The following MEP1A variants were observed in gnomAD, a reference collection of about 807,000 sequenced individuals.
The protein encoded by MEP1A is N-benzoyl-L-tyrosyl-P-amino-benzoic acid hydrolase subunit alpha.
In MEP1A, 68 loss-of-function variants were observed where a neutral mutation model predicts 84.5. That is an observed-to-expected ratio of 0.80 (90% CI 0.66 to 0.98). The LOEUF (loss-of-function observed/expected upper bound fraction) is 0.98. MEP1A is among the 50% of genes least tolerant of loss of function. The pLI is 0.00. For synonymous variants in MEP1A, 337 were observed against 336.8 expected, an observed-to-expected ratio of 1.00 and a Z score of -0.01; for missense variants, 887 against 919.9, an observed-to-expected ratio of 0.96 and a Z score of 0.46.
At position 46,823,551 on chromosome 6, in the gene MEP1A, G is replaced by A. The variant is rs193034811; in HGVS notation, c.557-1721G>A. 3.1e-4 allele frequency among the ~76,000 whole-genome samples: 47 copies of A among 152,318 alleles called. No homozygotes were observed. The East Asian group carries it at 8.7e-3, about 28-fold the overall frequency. On this transcript the variant is annotated intron_variant, in intron 7 of 13. Coordinates refer to ENST00000230588, the MANE Select transcript of MEP1A (RefSeq NM_005588.3). The stretch of plus-strand genomic sequence containing the variant: ...TGTTTGAACCCAGGAGGCAGAGGTT[G>A]CAGTGAGCTGAGATCTTGCCATTGC...
chr6:46,805,744 C>T (rs9472869), intron 5 of MEP1A, among the ~76,000 whole-genome samples: 45 of 151,896 alleles, frequency 3.0e-4, no homozygotes, highest in African/African-American at 8.0e-4. Context: ...TATGCTTATG[C>T]TGATTTTCTT....
chr6:46,838,832 C>T (rs1176942711), intron 13 of MEP1A, 148 bp from the exon 14 acceptor site: 5 of 621,506 alleles, frequency 8.0e-6, no homozygotes, highest in Non-Finnish European at 1.1e-5. Context: ...ATTAGTTGGT[C>T]CATATACAGC....
chr6:46,807,805 AAG>A (rs1490110427), intron 5 of MEP1A, among the ~76,000 whole-genome samples: 1 of 148,964 alleles, frequency 6.7e-6, no homozygotes, highest in African/African-American at 2.4e-5. Context: ...GAAAGAAAGA[AAG>A]AAAGAAAGAA....
chr6:46,824,155 T>C (rs985702794), intron 7 of MEP1A, among the ~76,000 whole-genome samples: 1 of 152,128 alleles, frequency 6.6e-6, no homozygotes, highest in African/African-American at 2.4e-5. Flanking sequence ...TTGAACATAA[T>C]TGATTGTGAA....
At chr6:46,835,025 T>A (rs1768181098) in intron 12 of MEP1A, among the ~76,000 whole-genome samples, 1 of 152,220 alleles carries the variant, frequency 6.6e-6, no homozygotes, top group Non-Finnish European at 1.5e-5. Flanking sequence ...TCCATGCTAA[T>A]TTTATGCTTC....
intron 13 of MEP1A, among the ~76,000 whole-genome samples, chr6:46,838,269 A>T (rs1768261063): frequency 1.3e-5 from 2 of 152,184 alleles, no homozygotes; most frequent in African/African-American, 4.8e-5. Context: ...GGAATGTTTG[A>T]AACAAAGGCT....
At chr6:46,803,052 T>A (rs1336052381) in intron 5 of MEP1A, among the ~76,000 whole-genome samples, 1 of 151,598 alleles carries the variant, frequency 6.6e-6, no homozygotes, top group Non-Finnish European at 1.5e-5. Context: ...TTTTTCCTCT[T>A]CTTTTATCTT....
chr6:46,820,595 T>A (rs185847765), intron 7 of MEP1A, among the ~76,000 whole-genome samples: 2 of 152,220 alleles, frequency 1.3e-5, no homozygotes, highest in Non-Finnish European at 2.9e-5. Flanking sequence ...ATCATGTTGG[T>A]TAGGCTGGTC....
intron 9 of MEP1A, among the ~76,000 whole-genome samples, chr6:46,828,600 G>T (rs1488236821): frequency 6.6e-6 from 1 of 152,200 alleles, no homozygotes; most frequent in Non-Finnish European, 1.5e-5. Context: ...TCATATGCAA[G>T]AATTTTTCAT....
At chr6:46,806,483 A>G (rs745983125) in intron 5 of MEP1A, among the ~76,000 whole-genome samples, 14 of 151,994 alleles carry the variant, frequency 9.2e-5, no homozygotes, top group South Asian at 4.1e-4. Flanking sequence ...TGGGATTTCA[A>G]TGGAATGCCC....
Position 46,839,044 on chromosome 6 carries a change from A to T in MEP1A, c.2149A>T (p.Ser717Cys). 1 of 1,613,640 alleles carries T rather than the reference A, an allele frequency of 6.2e-7. No individual in the cohort carries two copies. The highest frequency in any genetic ancestry group is 1.7e-5 in the Admixed American group (1 of 60,020). ...ERCQAVQVHG[S>C]VLGMVIGGTA... is the part of the protein sequence containing the mutation. ...CTGTCAGGCCGTGCAGGTGCACGGC[A>T]GTGTCCTGGGCATGGTGATCGGAGG... Residue 717 changes from serine (S) to cysteine (C), a missense_variant, in exon 14 of 14, where the codon AGT becomes TGT. By Grantham distance (112) the Ser-to-Cys change is moderately radical. Coordinates refer to ENST00000230588, the MANE Select transcript of MEP1A (RefSeq NM_005588.3).
chr6:46,806,423 A>G (rs1169373813), intron 5 of MEP1A, among the ~76,000 whole-genome samples: 1 of 152,080 alleles, frequency 6.6e-6, no homozygotes, highest in Non-Finnish European at 1.5e-5. Context: ...AGTTCAAGGC[A>G]AATCTCTTAG....
intron 6 of MEP1A, among the ~76,000 whole-genome samples, chr6:46,810,276 T>A (rs533600055): frequency 6.6e-6 from 1 of 152,304 alleles, no homozygotes; most frequent in Admixed American, 6.5e-5. Context: ...TTTTGAGAAT[T>A]GTCTATTCAC....
chr6:46,801,403 C>T (rs1357697613), intron 5 of MEP1A, among the ~76,000 whole-genome samples: 1 of 152,052 alleles, frequency 6.6e-6, no homozygotes, highest in Admixed American at 6.6e-5. Context: ...ATGCTACTGG[C>T]TATTTTTGTA....
chr6:46,797,877 TC>T (rs1767093734), intron 3 of MEP1A, among the ~76,000 whole-genome samples: 1 of 72,164 alleles, frequency 1.4e-5, no homozygotes, highest in Non-Finnish European at 2.6e-5. Flanking sequence ...TACCTTTCCT[TC>T]CTTCCTTCCT....
chr6:46,825,253 T>C lies in MEP1A; in HGVS notation c.557-19T>C. ...AAATAACATGACTGAGAAGGACCTG[T>C]GGATTCTCTCCCTAACAGGTTACCA... is the stretch of plus-strand genomic sequence containing the variant. On this transcript the variant is annotated intron_variant, in intron 7 of 13. Coordinates refer to ENST00000230588, the MANE Select transcript of MEP1A (RefSeq NM_005588.3). The C allele has an allele frequency of 6.4e-7, 1 of 1,555,530 alleles. No individual in the cohort carries two copies. The highest frequency in any genetic ancestry group is 1.1e-5 in the South Asian group (1 of 87,922).
At chr6:46,811,134 A>G (rs1241801288) in intron 6 of MEP1A, among the ~76,000 whole-genome samples, 1 of 152,024 alleles carries the variant, frequency 6.6e-6, no homozygotes, top group Non-Finnish European at 1.5e-5. Flanking sequence ...TGTGTCATCT[A>G]TGATTTCTTT....
downstream of MEP1A, among the ~76,000 whole-genome samples, chr6:46,841,745 C>T (rs1461786905): frequency 6.6e-6 from 1 of 152,182 alleles, no homozygotes; most frequent in Non-Finnish European, 1.5e-5. Flanking sequence ...TGGCCATTCA[C>T]AAATGTCAGG....
chr6:46,832,367 C>T (rs1026146472), intron 10 of MEP1A, among the ~76,000 whole-genome samples: 12 of 152,216 alleles, frequency 7.9e-5, no homozygotes, highest in African/African-American at 2.2e-4. Context: ...TGTTCTAGAA[C>T]GGCCTTCTCA....
Sources: allele counts gnomAD v4.1 joint callset (sites outside exome capture counted in the v4.1 genomes callset), GRCh38; gene constraint gnomAD v4.1.1; transcripts MANE v1.5; gene names NCBI Gene and HGNC (gene_info 2026-07-23, HGNC 2026-07-21).